Variants in MAN2A1 observed in about 807,000 individuals in gnomAD.
MAN2A1 encodes alpha-mannosidase 2.
MAN2A1 carries 76 observed loss-of-function variants against 142.6 expected under a neutral mutation model. The observed-to-expected ratio is 0.53, with a 90% CI of 0.44 to 0.65. The LOEUF (loss-of-function observed/expected upper bound fraction) is 0.65, where lower values mean the gene tolerates loss of function less well. Ranked by LOEUF, MAN2A1 falls within the 30% of genes least tolerant of loss-of-function variation. MAN2A1 has a pLI of 0.00. For synonymous variants in MAN2A1, 559 were observed against 473.2 expected (o/e 1.18, Z -2.35); for missense variants, 1,311 against 1,365.1 (o/e 0.96, Z 0.62).
intron 2 of MAN2A1, among the ~76,000 whole-genome samples, chr5:109,715,893 G>A (rs1026994199): frequency 2.0e-5 from 3 of 151,820 alleles, no homozygotes; most frequent in African/African-American, 4.8e-5. Context: ...TATTAGAAGC[G>A]GATGGGAGGG....
intron 12 of MAN2A1, among the ~76,000 whole-genome samples, chr5:109,816,789 G>T (rs996691803): frequency 6.6e-6 from 1 of 152,066 alleles, no homozygotes; most frequent in Non-Finnish European, 1.5e-5. Flanking sequence ...GTACAGAAAA[G>T]CTTTATTACA....
intron 4 of MAN2A1, among the ~76,000 whole-genome samples, chr5:109,749,792 G>A (rs1210192507): frequency 6.6e-6 from 1 of 151,818 alleles, no homozygotes; most frequent in Non-Finnish European, 1.5e-5. Flanking sequence ...ATATTCCCCT[G>A]CTTGTCAGAG....
rs758878620 is a variant in MAN2A1, at chr5:109,842,345, G to T, written c.2584G>T (p.Val862Leu). Reference sequence around the variant, plus strand: ...AAATTTAGGAATAGAAGGACAGTCTGTGGAAGTTTCCAATATTGTGGACAT... The same window carrying T: ...AAATTTAGGAATAGAAGGACAGTCTTTGGAAGTTTCCAATATTGTGGACAT... Reference protein sequence around the residue: ...YHIQGIEGQSVEVSNIVDIRK... With the variant: ...YHIQGIEGQSLEVSNIVDIRK... Residue 862 changes from valine (V) to leucine (L), a missense_variant, in exon 17 of 22, where the codon GTG becomes TTG. Val to Leu is a conservative substitution (Grantham distance 32, BLOSUM62 1). Coordinates refer to ENST00000261483, the MANE Select transcript of MAN2A1 (RefSeq NM_002372.4). 6 of 1,568,298 alleles carry T rather than the reference G, an allele frequency of 3.8e-6. No homozygotes were observed. The highest frequency in any genetic ancestry group is 4.3e-6 in the Non-Finnish European group (5 of 1,150,648).
At chr5:109,837,799 G>A (rs778715589) in intron 16 of MAN2A1, among the ~76,000 whole-genome samples, 16 of 152,116 alleles carry the variant, frequency 1.1e-4, no homozygotes, top group Non-Finnish European at 1.0e-4. Flanking sequence ...ATTCTAACAT[G>A]CATGTAACAT....
Position 109,847,650 on chromosome 5 carries a change from G to T in MAN2A1, c.2843-7G>T, listed in dbSNP as rs1209666317. ...CAGTTTTGCTTGTTTGTTTGTTTGT[G>T]TGTTAGGTCAGATTGAAGTTATCAT... On this transcript the variant is annotated splice_polypyrimidine_tract_variant and splice_region_variant and intron_variant, in intron 18 of 21. Transcript: ENST00000261483. 6.6e-7 allele frequency: 1 copy of T among 1,523,910 alleles called. No homozygotes were observed. The allele number at this position is 1,523,910 out of a possible 1,614,324, so 94.4% of individuals were successfully genotyped here. A position where few individuals can be genotyped will look rare whatever the true frequency, so the allele number is the denominator to read the frequency against.
At chr5:109,739,660 G>T (rs1752209684) in intron 4 of MAN2A1, among the ~76,000 whole-genome samples, 1 of 152,092 alleles carries the variant, frequency 6.6e-6, no homozygotes, top group African/African-American at 2.4e-5. Context: ...TCCACACCTG[G>T]AATTTGTCCC....
intron 16 of MAN2A1, among the ~76,000 whole-genome samples, chr5:109,824,430 G>A (rs1023940060): frequency 3.9e-5 from 6 of 152,090 alleles, no homozygotes; most frequent in African/African-American, 1.4e-4. Context: ...GATTCCATGG[G>A]GTCTGAGTGG....
At chr5:109,810,423 A>G (rs909155077) in intron 12 of MAN2A1, among the ~76,000 whole-genome samples, 4 of 152,076 alleles carry the variant, frequency 2.6e-5, no homozygotes, top group African/African-American at 7.2e-5. Context: ...TAGCCTGCTT[A>G]TATTCTGTAG....
chr5:109,783,863 C>G (rs1018797570), intron 9 of MAN2A1, among the ~76,000 whole-genome samples: 3 of 151,800 alleles, frequency 2.0e-5, no homozygotes, highest in Admixed American at 1.3e-4. Flanking sequence ...AAATATACTA[C>G]AAAGGACATT....
chr5:109,794,974 ATG>A (rs1276122052), intron 12 of MAN2A1, among the ~76,000 whole-genome samples: 2 of 152,220 alleles, frequency 1.3e-5, no homozygotes, highest in Non-Finnish European at 2.9e-5. Context: ...TTCAGAAAGG[ATG>A]CTTTATCCAA....
intron 16 of MAN2A1, among the ~76,000 whole-genome samples, chr5:109,831,344 G>A (rs1311992384): frequency 6.6e-6 from 1 of 152,310 alleles, no homozygotes; most frequent in East Asian, 1.9e-4. Flanking sequence ...AGGATTGGGG[G>A]AATTGGGGAG....
intron 12 of MAN2A1, among the ~76,000 whole-genome samples, chr5:109,790,425 G>T (rs1032412439): frequency 6.6e-6 from 1 of 151,840 alleles, no homozygotes; most frequent in African/African-American, 2.4e-5. Context: ...TCTTTAGTAA[G>T]TAGAGACATA....
intron 1 of MAN2A1, among the ~76,000 whole-genome samples, chr5:109,705,684 A>G (rs973725835): frequency 3.3e-5 from 5 of 152,238 alleles, no homozygotes; most frequent in Non-Finnish European, 7.3e-5. Flanking sequence ...GTTATCATAC[A>G]GATCTTTAGG....
intron 20 of MAN2A1, among the ~76,000 whole-genome samples, chr5:109,861,408 A>G (rs1755756562): frequency 6.6e-6 from 1 of 152,222 alleles, no homozygotes; most frequent in Non-Finnish European, 1.5e-5. Flanking sequence ...TTAGGTTGGT[A>G]CAAAAGTAAT....
intron 3 of MAN2A1, among the ~76,000 whole-genome samples, chr5:109,725,862 AATG>A: frequency 6.6e-6 from 1 of 152,210 alleles, no homozygotes; most frequent in East Asian, 1.9e-4. Context: ...ATGAACATTG[AATG>A]TAGACAATAG....
At chr5:109,862,524 C>T (rs1755782430) in intron 20 of MAN2A1, 1 of 152,154 alleles carries the variant, frequency 6.6e-6, no homozygotes, top group Admixed American at 6.5e-5. Context: ...TTTTCTTCCC[C>T]ACATCCTCCC....
In MAN2A1 at chr5:109,855,423, G is replaced by A. The variant is rs545826289; in HGVS notation, c.3171+89G>A. On this transcript the variant is annotated intron_variant, in intron 20 of 21. Transcript: ENST00000261483. ...AGGAAAGGAGAAAAAAATAATGTAT[G>A]CTTTACTATGCTTTGAGGAATTATT... is the stretch of plus-strand genomic sequence containing the variant. 4 of 756,202 alleles carry A rather than the reference G, an allele frequency of 5.3e-6. No homozygotes were observed. In the East Asian group the frequency reaches 9.7e-5, roughly 18 times the overall value. 46.8% of individuals were successfully genotyped at this position (756,202 alleles called of 1,614,324 possible). A position where few individuals can be genotyped will look rare whatever the true frequency, so the allele number is the denominator to read the frequency against.
rs771181348 is a variant in MAN2A1, at chr5:109,690,384, G to A, written c.-34G>A. 1.2e-6 allele frequency: 2 copies of A among 1,613,664 alleles called. No homozygotes were observed. The highest frequency in any genetic ancestry group is 2.2e-5 in the South Asian group (2 of 91,072). Reference sequence around the variant, plus strand: ...ACAGTGCGCTGTCTCCTTTGGCTGAGGAGAGTGTCCTGGCCCCGAGTCTAT... The same window carrying A: ...ACAGTGCGCTGTCTCCTTTGGCTGAAGAGAGTGTCCTGGCCCCGAGTCTAT... On this transcript the variant is annotated 5_prime_UTR_variant, in exon 1 of 22. Coordinates refer to ENST00000261483, the MANE Select transcript of MAN2A1 (RefSeq NM_002372.4).
chr5:109,841,018 C>T (rs996063863), intron 16 of MAN2A1, among the ~76,000 whole-genome samples: 3 of 152,146 alleles, frequency 2.0e-5, no homozygotes, highest in African/African-American at 7.2e-5. Context: ...ATGCATTTTT[C>T]CTTTTTTCCT....
Sources: allele counts gnomAD v4.1 joint callset (sites outside exome capture counted in the v4.1 genomes callset), GRCh38; gene constraint gnomAD v4.1.1; transcripts MANE v1.5; gene names NCBI Gene and HGNC (gene_info 2026-07-23, HGNC 2026-07-21).